Variants in CACNB2 observed in about 807,000 individuals in gnomAD.
CACNB2 encodes the protein calcium voltage-gated channel auxiliary subunit beta 2, also known as voltage-dependent L-type calcium channel subunit beta-2.
In CACNB2, 42 loss-of-function variants were observed where a neutral mutation model predicts 73.3. The ratio of observed to expected loss-of-function variants is 0.57; its 90% CI spans 0.45 to 0.74. CACNB2 has a LOEUF of 0.74. Among genes scored for constraint, CACNB2 ranks in the 30% least tolerant of loss-of-function variants. The pLI is 0.00. For synonymous variants in CACNB2, 348 were observed against 310.3 expected, an observed-to-expected ratio of 1.12 and a Z score of -1.28; for missense variants, 940 against 853.0, an observed-to-expected ratio of 1.10 and a Z score of -1.27.
intron 10 of CACNB2, among the ~76,000 whole-genome samples, chr10:18,528,537 A>C (rs1211319773): frequency 2.0e-5 from 3 of 152,168 alleles, no homozygotes; most frequent in African/African-American, 7.2e-5. Flanking sequence ...AAATCCTCTG[A>C]GAGGCTGGTT....
At chr10:18,507,851 G>C (rs2050574154) in intron 6 of CACNB2, among the ~76,000 whole-genome samples, 1 of 152,212 alleles carries the variant, frequency 6.6e-6, no homozygotes, top group African/African-American at 2.4e-5. Flanking sequence ...GTGCTTTAAG[G>C]ACAGGATTTC....
At chr10:18,401,878 AC>A in intron 2 of CACNB2, 45 bp from the exon 3 acceptor site, 1 of 1,607,390 alleles carries the variant, frequency 6.2e-7, no homozygotes, top group Non-Finnish European at 8.5e-7. Flanking sequence ...TCCAATGCAA[AC>A]ATCATAGACT....
chr10:18,459,017 G>A (rs1439895160), intron 3 of CACNB2, among the ~76,000 whole-genome samples: 3 of 151,906 alleles, frequency 2.0e-5, no homozygotes, highest in Non-Finnish European at 4.4e-5. Context: ...TCCCCGCCTC[G>A]GCCTCCCAAA....
intron 2 of CACNB2, among the ~76,000 whole-genome samples, chr10:18,279,413 G>A (rs1217148721): frequency 1.3e-5 from 2 of 152,164 alleles, no homozygotes; most frequent in African/African-American, 4.8e-5. Flanking sequence ...AGAAACGATT[G>A]TTTGTAACAT....
chr10:18,519,101 A>C (rs2051574651), intron 9 of CACNB2, 133 bp downstream of exon 9: 1 of 781,388 alleles, frequency 1.3e-6, no homozygotes, highest in Admixed American at 1.8e-5. Flanking sequence ...AGTTTCACTC[A>C]ATTTAATCTG....
chr10:18,243,283 C>T (rs899466207), intron 2 of CACNB2, among the ~76,000 whole-genome samples: 3 of 151,798 alleles, frequency 2.0e-5, no homozygotes, highest in Non-Finnish European at 1.5e-5. Flanking sequence ...TTCCCATTAA[C>T]ACATTTATTC....
chr10:18,278,674 C>T (rs1254339147), intron 2 of CACNB2, among the ~76,000 whole-genome samples: 5 of 152,008 alleles, frequency 3.3e-5, no homozygotes, highest in Non-Finnish European at 5.9e-5. Flanking sequence ...GATAGTCATT[C>T]TGCTTTTCAC....
chr10:18,453,003 C>T (rs2047087356), intron 3 of CACNB2, among the ~76,000 whole-genome samples: 1 of 152,190 alleles, frequency 6.6e-6, no homozygotes, highest in African/African-American at 2.4e-5. Context: ...CATGCAGTTG[C>T]TCAAGCCGAA....
intron 2 of CACNB2, among the ~76,000 whole-genome samples, chr10:18,220,894 C>T (rs2035767139): frequency 6.6e-6 from 1 of 152,206 alleles, no homozygotes; most frequent in Non-Finnish European, 1.5e-5. Flanking sequence ...ACTTATCTTC[C>T]ATGAAACCGG....
rs762628550 is a variant in CACNB2, at chr10:18,402,045, T to TAA, written c.333+5_333+6dup. 1.2e-6 allele frequency: 2 copies of TAA among 1,613,374 alleles called. No homozygotes were observed. The highest frequency in any genetic ancestry group is 1.7e-6 in the Non-Finnish European group (2 of 1,179,860). ...CAGGCACAGTTGGAAAAAGCAAAGGTAAAATCGTTTCCTCCCTGCCAAGAT... is the reference window on the plus strand; with the variant it reads ...CAGGCACAGTTGGAAAAAGCAAAGGTAAAAAATCGTTTCCTCCCTGCCAAGAT... On this transcript the variant is annotated splice_region_variant and intron_variant, in intron 3 of 13. Transcript: ENST00000324631.
chr10:18,399,273 C>A (rs895787626), intron 2 of CACNB2, among the ~76,000 whole-genome samples: 3 of 152,162 alleles, frequency 2.0e-5, no homozygotes, highest in Admixed American at 2.0e-4. Context: ...CAGGAATCCC[C>A]TACCAGGTGT....
At chr10:18,531,495 T>C (rs1003861068) in intron 10 of CACNB2, among the ~76,000 whole-genome samples, 8 of 152,194 alleles carry the variant, frequency 5.3e-5, no homozygotes, top group Admixed American at 4.6e-4. Context: ...ATCTTTATAA[T>C]AGAATGATTT....
At chr10:18,296,716 CA>C (rs1293745684) in intron 2 of CACNB2, among the ~76,000 whole-genome samples, 1 of 152,200 alleles carries the variant, frequency 6.6e-6, no homozygotes, top group Non-Finnish European at 1.5e-5. Context: ...AACAAGTCAT[CA>C]GTTCCTATCT....
chr10:18,161,092 G>C (rs1199903378), intron 2 of CACNB2, among the ~76,000 whole-genome samples: 2 of 152,126 alleles, frequency 1.3e-5, no homozygotes, highest in Non-Finnish European at 2.9e-5. Flanking sequence ...ATAAAGAAGA[G>C]GGGAAAACAG....
chr10:18,156,344 C>T (rs1360508961), intron 2 of CACNB2, among the ~76,000 whole-genome samples: 1 of 152,170 alleles, frequency 6.6e-6, no homozygotes, highest in Non-Finnish European at 1.5e-5. Context: ...AACCAGTTCA[C>T]CATTAGTTAG....
At chr10:18,193,823 G>A (rs1309543225) in intron 2 of CACNB2, among the ~76,000 whole-genome samples, 1 of 152,176 alleles carries the variant, frequency 6.6e-6, no homozygotes, top group East Asian at 1.9e-4. Flanking sequence ...TCCTCTGGGT[G>A]CTCATGAAGC....
At chr10:18,519,941 G>C (rs1053555878) in intron 9 of CACNB2, 2 of 330,300 alleles carry the variant, frequency 6.1e-6, no homozygotes, top group African/African-American at 4.4e-5. Flanking sequence ...TACTTTGCTT[G>C]GTTTCTGGAA....
chr10:18,442,254 A>G (rs750496829), intron 3 of CACNB2, among the ~76,000 whole-genome samples: 1 of 151,910 alleles, frequency 6.6e-6, no homozygotes, highest in African/African-American at 2.4e-5. Flanking sequence ...GGTACCAGTG[A>G]TCCTTGTGAG....
intron 2 of CACNB2, among the ~76,000 whole-genome samples, chr10:18,258,891 A>AT (rs60473856): frequency 7.4e-4 from 109 of 147,842 alleles, no homozygotes; most frequent in East Asian, 4.7e-3. Context: ...ATGGTGAGGG[A>AT]TTTTTTTTTT....
Sources: allele counts gnomAD v4.1 joint callset (sites outside exome capture counted in the v4.1 genomes callset), GRCh38; gene constraint gnomAD v4.1.1; transcripts MANE v1.5; gene names NCBI Gene and HGNC (gene_info 2026-07-23, HGNC 2026-07-21).